RAD51B: variants seen among roughly 807,000 people sequenced by gnomAD.
RAD51B encodes DNA repair protein RAD51 homolog 2.
A neutral mutation model predicts 42.2 loss-of-function variants in RAD51B; 38 were observed. The ratio of observed to expected loss-of-function variants is 0.90; its 90% CI spans 0.70 to 1.18. RAD51B has a LOEUF of 1.18. Among genes scored for constraint, RAD51B ranks in the 50% most tolerant of loss-of-function variants. The pLI, the probability that RAD51B is intolerant of heterozygous loss-of-function variation, is 0.00. For missense variants in RAD51B, 373 were observed against 400.7 expected (o/e 0.93, Z 0.59); for synonymous variants, 154 against 145.2 (o/e 1.06, Z -0.43).
At chr14:68,045,905 T>A (rs1009064962) in intron 7 of RAD51B, among the ~76,000 whole-genome samples, 1 of 152,040 alleles carries the variant, frequency 6.6e-6, no homozygotes, top group Non-Finnish European at 1.5e-5. Flanking sequence ...ATATAAATAT[T>A]TGAGTTTTTT....
intron 8 of RAD51B, among the ~76,000 whole-genome samples, chr14:68,410,373 C>T (rs533964378): frequency 1.6e-4 from 24 of 152,290 alleles, no homozygotes; most frequent in African/African-American, 5.1e-4. Context: ...AAGGGGACAA[C>T]GGATGACACA....
chr14:68,653,330 G>A (rs1418379601), intron 11 of RAD51B, among the ~76,000 whole-genome samples: 3 of 152,128 alleles, frequency 2.0e-5, no homozygotes, highest in East Asian at 1.9e-4. Context: ...AGCGCACTAT[G>A]AGCATGGCAC....
At chr14:67,822,711 A>C (rs751369030) in intron 1 of RAD51B, among the ~76,000 whole-genome samples, 3 of 152,054 alleles carry the variant, frequency 2.0e-5, no homozygotes, top group East Asian at 1.9e-4. Context: ...TGACAGAGCC[A>C]GACCTGTCTC....
intron 7 of RAD51B, among the ~76,000 whole-genome samples, chr14:68,028,496 G>A (rs951712420): frequency 6.6e-6 from 1 of 152,148 alleles, no homozygotes; most frequent in Non-Finnish European, 1.5e-5. Flanking sequence ...CTCCTCCTCT[G>A]CTCCAGTGCC....
At chr14:67,925,400 G>A (rs1459227895) in intron 7 of RAD51B, among the ~76,000 whole-genome samples, 1 of 152,104 alleles carries the variant, frequency 6.6e-6, no homozygotes, top group African/African-American at 2.4e-5. Context: ...AGCCTCCCGA[G>A]TAGCCGGGAC....
At chr14:68,467,732 C>G (rs2086020082) in intron 9 of RAD51B, among the ~76,000 whole-genome samples, 1 of 152,248 alleles carries the variant, frequency 6.6e-6, no homozygotes, top group South Asian at 2.1e-4. Context: ...AAGAAACCTT[C>G]AATTGCTTTG....
intron 7 of RAD51B, among the ~76,000 whole-genome samples, chr14:68,260,139 A>T (rs963716633): frequency 6.6e-6 from 1 of 152,256 alleles, no homozygotes; most frequent in Admixed American, 6.5e-5. Flanking sequence ...GAGGACTTGC[A>T]TTAGCTGAGA....
intron 7 of RAD51B, among the ~76,000 whole-genome samples, chr14:68,256,085 A>G (rs1040882718): frequency 6.6e-6 from 1 of 152,222 alleles, no homozygotes; most frequent in East Asian, 1.9e-4. Context: ...TGGTCAGTGG[A>G]AGAAATATGT....
chr14:68,308,684 G>T (rs1595690012), intron 8 of RAD51B, among the ~76,000 whole-genome samples: 1 of 118,570 alleles, frequency 8.4e-6, no homozygotes, highest in African/African-American at 3.3e-5. Context: ...TTCCTTCACT[G>T]TCATTTATAT....
At chr14:68,524,110 G>A (rs777187255) in intron 10 of RAD51B, among the ~76,000 whole-genome samples, 1 of 152,032 alleles carries the variant, frequency 6.6e-6, no homozygotes, top group Non-Finnish European at 1.5e-5. Context: ...GTCATCCCTC[G>A]GTGGCAGGTG....
intron 10 of RAD51B, among the ~76,000 whole-genome samples, chr14:68,632,968 C>CTTTTT (rs397852024): frequency 4.9e-3 from 293 of 59,422 alleles, no homozygotes; most frequent in Middle Eastern, 0.023. Flanking sequence ...TTTTCTTTTT[C>CTTTTT]TTTTTTTTTT....
chr14:68,316,090 C>T (rs2082056797), intron 8 of RAD51B, among the ~76,000 whole-genome samples: 1 of 152,146 alleles, frequency 6.6e-6, no homozygotes, highest in African/African-American at 2.4e-5. Context: ...GCTATATTCA[C>T]CATCTATAAA....
intron 7 of RAD51B, among the ~76,000 whole-genome samples, chr14:68,275,838 A>ACACACACC (rs1408523468): frequency 2.8e-5 from 4 of 143,070 alleles, no homozygotes; most frequent in African/African-American, 1.1e-4. Context: ...ACACACACAC[A>ACACACACC]CACCCTTGAA....
intron 7 of RAD51B, among the ~76,000 whole-genome samples, chr14:67,894,284 TG>T (rs904800515): frequency 6.6e-6 from 1 of 152,222 alleles, no homozygotes; most frequent in African/African-American, 2.4e-5. Context: ...TTAACAAGGC[TG>T]CAAGTGCCTC....
intron 11 of RAD51B, among the ~76,000 whole-genome samples, chr14:68,656,221 G>A (rs1032254482): frequency 4.9e-4 from 75 of 152,250 alleles, no homozygotes; most frequent in African/African-American, 1.8e-3. Flanking sequence ...CTGGCAGCAG[G>A]CAGCCTCCTC....
intron 7 of RAD51B, among the ~76,000 whole-genome samples, chr14:68,281,056 C>CA (rs35634909): frequency 0.011 from 1,370 of 127,590 alleles, 25 homozygotes; most frequent in East Asian, 0.064. Context: ...GAGCCTGTCT[C>CA]AAAAAAAAAT....
At position 68,573,930 on chromosome 14, in the gene RAD51B, T is replaced by C. The variant is rs911011412; in HGVS notation, c.1037-20555T>C. 2.6e-5 allele frequency among the ~76,000 whole-genome samples: 4 copies of C among 152,084 alleles called. No homozygotes were observed. The South Asian group carries it at 8.3e-4, about 32-fold the overall frequency. ...ATGGGCTGAGCTTGAGCTTTTGTTC[T>C]CATTGACTGCTGTGTGTGTGGGGGT... On this transcript the variant is annotated intron_variant, in intron 10 of 10. Coordinates refer to the RAD51B transcript ENST00000487270.
intron 3 of RAD51B, 78 bp downstream of exon 3, chr14:67,825,655 C>T (rs541488377): frequency 2.9e-4 from 306 of 1,073,446 alleles, no homozygotes; most frequent in Non-Finnish European, 3.6e-4. Flanking sequence ...GGATGAGGCA[C>T]ATGCAGAAAT....
chr14:68,565,143 G>A lies in RAD51B; in HGVS notation c.1037-29342G>A, dbSNP rs1468280. Among the ~76,000 whole-genome samples the A allele has an allele frequency of 0.48, 72,965 of 151,914 alleles. 18,241 individuals carry two copies. The highest frequency in any genetic ancestry group is 0.59 in the East Asian group (3,033 of 5,154). Reference sequence around the variant, plus strand: ...ATGCACACAACACAAAGGTTTAAGCGCTCACTATAAGAAGGTCAGGGGACC... The same window carrying A: ...ATGCACACAACACAAAGGTTTAAGCACTCACTATAAGAAGGTCAGGGGACC... On this transcript the variant is annotated intron_variant, in intron 10 of 10. Coordinates refer to the RAD51B transcript ENST00000487270. This position sits in a 1 kb window ranked among gnomAD's most constrained non-coding sequence, Gnocchi z 4.1.
Sources: gnomAD v4.1 joint callset for allele counts (sites outside exome capture counted in the v4.1 genomes callset) on GRCh38, gnomAD v4.1.1 for gene constraint, Gnocchi (gnomAD v3.1) non-coding constraint, MANE v1.5 for transcripts, NCBI Gene and HGNC (gene_info 2026-07-23, HGNC 2026-07-21) for gene names.